The following PTPN3 variants were observed in gnomAD, a reference collection of about 807,000 sequenced individuals.
PTPN3 encodes tyrosine-protein phosphatase non-receptor type 3.
A neutral mutation model predicts 132.7 loss-of-function variants in PTPN3; 96 were observed. The ratio of observed to expected loss-of-function variants is 0.72; its 90% CI spans 0.61 to 0.86. The LOEUF (loss-of-function observed/expected upper bound fraction) is 0.86, where lower values mean the gene tolerates loss of function less well. Among genes scored for constraint, PTPN3 ranks in the 40% least tolerant of loss-of-function variants. PTPN3 has a pLI of 0.00. For synonymous variants in PTPN3, 398 were observed against 429.0 expected (o/e 0.93, Z 0.89); for missense variants, 1,125 against 1,159.6 (o/e 0.97, Z 0.43).
At chr9:109,441,959 G>A (rs542055772) in intron 7 of PTPN3, among the ~76,000 whole-genome samples, 2 of 152,126 alleles carry the variant, frequency 1.3e-5, no homozygotes, top group African/African-American at 4.8e-5. Flanking sequence ...TCACAGTGAG[G>A]ACTTATATCA....
intron 21 of PTPN3, 89 bp downstream of exon 21, chr9:109,391,049 G>C: frequency 8.3e-7 from 1 of 1,206,116 alleles, no homozygotes; most frequent in East Asian, 2.4e-5. Context: ...GGAAAGCACT[G>C]TGTCAACTGC....
chr9:109,439,993 T>TG (rs1177132092), intron 7 of PTPN3, among the ~76,000 whole-genome samples: 1 of 146,792 alleles, frequency 6.8e-6, no homozygotes, highest in African/African-American at 2.5e-5. Context: ...AACACAGGGC[T>TG]GCTCTTTTGA....
intron 1 of PTPN3, among the ~76,000 whole-genome samples, chr9:109,473,982 C>A (rs1379057341): frequency 1.3e-5 from 2 of 151,740 alleles, no homozygotes; most frequent in African/African-American, 2.4e-5. Context: ...CCCCCAAATT[C>A]CACAGGTCTC....
intron 1 of PTPN3, among the ~76,000 whole-genome samples, chr9:109,468,387 GAC>G (rs2132063461): frequency 6.6e-6 from 1 of 151,788 alleles, no homozygotes; most frequent in South Asian, 2.1e-4. Flanking sequence ...GTTTTTTTGA[GAC>G]AGAGTCTTGC....
chr9:109,481,354 C>T (rs1004633673), intron 1 of PTPN3, among the ~76,000 whole-genome samples: 1 of 152,106 alleles, frequency 6.6e-6, no homozygotes, highest in African/African-American at 2.4e-5. Context: ...GAGGGGTGGC[C>T]CTCTGGTTCT....
chr9:109,448,142 C>T (rs1257700622), intron 6 of PTPN3, among the ~76,000 whole-genome samples: 2 of 152,170 alleles, frequency 1.3e-5, no homozygotes, highest in East Asian at 3.9e-4. Flanking sequence ...GATACTGTCT[C>T]ATTTCCCCAG....
chr9:109,417,053 T>C (rs1842560511), intron 14 of PTPN3, among the ~76,000 whole-genome samples: 1 of 152,210 alleles, frequency 6.6e-6, no homozygotes, highest in Admixed American at 6.5e-5. Context: ...ATTTCTGCCA[T>C]GAAAGAAACT....
At chr9:109,467,684 A>T (rs772582714) in intron 1 of PTPN3, among the ~76,000 whole-genome samples, 1 of 152,228 alleles carries the variant, frequency 6.6e-6, no homozygotes, top group Non-Finnish European at 1.5e-5. Context: ...TGAAAGTCAC[A>T]TGGGCTGATG....
chr9:109,435,135 A>C (rs1028694762), intron 9 of PTPN3, among the ~76,000 whole-genome samples: 8 of 152,242 alleles, frequency 5.3e-5, no homozygotes, highest in Admixed American at 1.3e-4. Flanking sequence ...TGAGTGAACA[A>C]GGAAACAAAT....
intron 22 of PTPN3, among the ~76,000 whole-genome samples, chr9:109,386,189 T>C (rs1839569145): frequency 6.6e-6 from 1 of 152,192 alleles, no homozygotes; most frequent in South Asian, 2.1e-4. Context: ...TCGGGTCATC[T>C]GGTCATCCAA....
intron 19 of PTPN3, among the ~76,000 whole-genome samples, chr9:109,401,881 C>T (rs1307009403): frequency 6.6e-6 from 1 of 152,164 alleles, no homozygotes. Flanking sequence ...CTCCAGGGAT[C>T]TCCTGGAGTC....
chr9:109,404,553 G>A lies in PTPN3; in HGVS notation c.1848C>T (p.Pro616=), dbSNP rs756050290. The change falls in exon 19 of 26, where the codon CCC becomes CCT. Residue 616 remains proline, a synonymous_variant. Transcript: ENST00000374541. Reference sequence around the variant, plus strand: ...CCGGACACATGGGGAAAATGGCTTCGGGGAAAAGCTGGTTCAGTTCATCTT... The same window carrying A: ...CCGGACACATGGGGAAAATGGCTTCAGGGAAAAGCTGGTTCAGTTCATCTT... The part of the protein sequence containing the change: ...KSEDELNQLF[P]EAIFPMCPEG... 6.4e-6 allele frequency: 10 copies of A among 1,566,862 alleles called. No individual in the cohort carries two copies. In the Admixed American group the frequency reaches 8.7e-5, roughly 14 times the overall value.
chr9:109,415,407 G>C (rs1358396517), intron 14 of PTPN3, among the ~76,000 whole-genome samples: 4 of 152,180 alleles, frequency 2.6e-5, no homozygotes, highest in African/African-American at 9.7e-5. Context: ...GGGAAAAAAG[G>C]CATTCTGGCA....
intron 14 of PTPN3, among the ~76,000 whole-genome samples, chr9:109,415,536 A>C (rs1842422984): frequency 6.6e-6 from 1 of 152,256 alleles, no homozygotes; most frequent in South Asian, 2.1e-4. Flanking sequence ...TGTGTATTTC[A>C]GAATGATAAA....
chr9:109,423,109 C>A (rs560614567), intron 12 of PTPN3, among the ~76,000 whole-genome samples: 1 of 152,250 alleles, frequency 6.6e-6, no homozygotes, highest in South Asian at 2.1e-4. Flanking sequence ...AGAATATAAC[C>A]AAACCTAACC....
At chr9:109,463,169 T>C (rs995384389) in intron 2 of PTPN3, 128 bp downstream of exon 2, 1 of 1,026,494 alleles carries the variant, frequency 9.7e-7, no homozygotes, top group Non-Finnish European at 1.4e-6. Flanking sequence ...AATCTCAACA[T>C]ACAAGATCTG....
At chr9:109,461,248 T>G (rs1845829933) in intron 2 of PTPN3, among the ~76,000 whole-genome samples, 1 of 152,158 alleles carries the variant, frequency 6.6e-6, no homozygotes, top group Non-Finnish European at 1.5e-5. Flanking sequence ...CACGGCACAT[T>G]GAGACAACTC....
intron 2 of PTPN3, 36 bp downstream of exon 2, chr9:109,463,261 T>C: frequency 6.6e-7 from 1 of 1,520,714 alleles, no homozygotes; most frequent in East Asian, 2.4e-5. Context: ...GGAGCATTAA[T>C]TCAGGAAAAG....
At position 109,457,307 on chromosome 9, in the gene PTPN3, G is replaced by A; in HGVS notation, c.231C>T (p.Asp77=). The A allele has an allele frequency of 1.2e-6, 2 of 1,614,030 alleles. No individual in the cohort carries two copies. Among genetic ancestry groups the A allele is most frequent in the Non-Finnish European group, 8.5e-7 (1 of 1,179,892 alleles). ...TGGCACTTACAGGAGAGTCCACGGA[G>A]TCGTCATCATGCTGTAAACCAAAAT... ...KEYFGLQHDD[D]SVDSPRWLEA... Residue 77 remains aspartate, a synonymous_variant, in exon 3 of 26, where the codon GAC becomes GAT. Coordinates refer to ENST00000374541, the MANE Select transcript of PTPN3 (RefSeq NM_002829.4).
Sources: gnomAD v4.1 joint callset for allele counts (sites outside exome capture counted in the v4.1 genomes callset) on GRCh38, gnomAD v4.1.1 for gene constraint, MANE v1.5 for transcripts, NCBI Gene and HGNC (gene_info 2026-07-23, HGNC 2026-07-21) for gene names.